ATP6V1H: variants seen among roughly 807,000 people sequenced by gnomAD.
ATP6V1H encodes the protein ATPase H+ transporting V1 subunit H.
A neutral mutation model predicts 71.7 loss-of-function variants in ATP6V1H; 39 were observed. That is an observed-to-expected ratio of 0.54 (90% confidence interval 0.42 to 0.71). The LOEUF (loss-of-function observed/expected upper bound fraction) is 0.71, where lower values mean the gene tolerates loss of function less well. ATP6V1H is among the 30% of genes least tolerant of loss of function. ATP6V1H has a pLI of 0.00. For synonymous variants in ATP6V1H, 192 were observed against 199.3 expected (o/e 0.96, Z 0.31); for missense variants, 509 against 594.9 (o/e 0.86, Z 1.50).
intron 13 of ATP6V1H, among the ~76,000 whole-genome samples, chr8:53,738,165 C>T (rs1226247885): frequency 2.0e-5 from 3 of 151,920 alleles, no homozygotes; most frequent in East Asian, 1.9e-4. Context: ...GGTGTGGTGG[C>T]GGGCACTTGT....
At chr8:53,771,086 G>A (rs1829816087) in intron 10 of ATP6V1H, among the ~76,000 whole-genome samples, 1 of 152,178 alleles carries the variant, frequency 6.6e-6, no homozygotes, top group South Asian at 2.1e-4. Context: ...TATGCTGAAG[G>A]CATTTGCAGG....
At chr8:53,805,542 C>A (rs912185614) in intron 7 of ATP6V1H, among the ~76,000 whole-genome samples, 4 of 152,004 alleles carry the variant, frequency 2.6e-5, no homozygotes, top group African/African-American at 9.7e-5. Context: ...AGAACTGAAA[C>A]AAATGGAATT....
Position 53,805,081 on chromosome 8 carries a change from T to A in ATP6V1H, c.580-3185A>T, listed in dbSNP as rs139076426. Among the ~76,000 whole-genome samples the A allele has an allele frequency of 2.2e-3, 338 of 152,362 alleles. 2 individuals are homozygous for A. Among genetic ancestry groups the A allele is most frequent in the African/African-American group, 7.9e-3 (327 of 41,588 alleles). Reference sequence around the variant, plus strand: ...ACATAAAAACATCAATGATACTGTATGTACAAAGTAAAACTAATGTTATAA... The same window carrying A: ...ACATAAAAACATCAATGATACTGTAAGTACAAAGTAAAACTAATGTTATAA... On this transcript the variant is annotated intron_variant, in intron 7 of 13. Transcript: ENST00000359530.
chr8:53,731,151 G>C (rs1357809330), intron 13 of ATP6V1H, among the ~76,000 whole-genome samples: 2 of 152,044 alleles, frequency 1.3e-5, no homozygotes, highest in African/African-American at 4.8e-5. Context: ...GCCTTTGCCT[G>C]AAGTCCTCCT....
intron 11 of ATP6V1H, among the ~76,000 whole-genome samples, chr8:53,760,583 T>C (rs1808236720): frequency 6.6e-6 from 1 of 152,332 alleles, no homozygotes; most frequent in Non-Finnish European, 1.5e-5. Flanking sequence ...AAATTTGCCC[T>C]GGTCTCTTAC....
At chr8:53,753,246 A>G (rs1304013244) in intron 12 of ATP6V1H, among the ~76,000 whole-genome samples, 1 of 152,256 alleles carries the variant, frequency 6.6e-6, no homozygotes, top group African/African-American at 2.4e-5. Context: ...CATGATGTAA[A>G]TATAAGCCAC....
intron 1 of ATP6V1H, among the ~76,000 whole-genome samples, chr8:53,842,136 T>C (rs1235102885): frequency 6.6e-6 from 1 of 152,262 alleles, no homozygotes; most frequent in Non-Finnish European, 1.5e-5. Context: ...TATAAACATT[T>C]ACTAAGCATC....
In ATP6V1H at chr8:53,799,303, CAAAGACT is replaced by C. The variant is rs1180450554; in HGVS notation, c.677+2489_677+2495del. On this transcript the variant is annotated intron_variant, in intron 8 of 13. Transcript: ENST00000359530. ...ATTATAACCAATTATACTAAGAAAT[CAAAGACT>C]AAAATAATAAGAAAGTTAGAGATTG... 2.6e-5 allele frequency among the ~76,000 whole-genome samples: 4 copies of C among 152,080 alleles called. No individual in the cohort carries two copies. In the East Asian group the frequency reaches 7.7e-4, roughly 29 times the overall value.
rs192130425 is a variant in ATP6V1H at position 53,816,564 on chromosome 8, G to A, written c.420+853C>T. Among the ~76,000 whole-genome samples, 348 of 152,230 alleles carry A rather than the reference G, an allele frequency of 2.3e-3. 2 individuals carry two copies. Among genetic ancestry groups the A allele is most frequent in the African/African-American group, 7.9e-3 (329 of 41,548 alleles). ...TGTAATCCCAGCACTCTGGGAGGCCGAGGCAGGCAGATCACAAGGTCAGGA... is the reference window on the plus strand; with the variant it reads ...TGTAATCCCAGCACTCTGGGAGGCCAAGGCAGGCAGATCACAAGGTCAGGA... On this transcript the variant is annotated intron_variant, in intron 5 of 13. Coordinates refer to ENST00000359530, the MANE Select transcript of ATP6V1H (RefSeq NM_015941.4).
intron 13 of ATP6V1H, among the ~76,000 whole-genome samples, chr8:53,731,466 T>C (rs1264432116): frequency 6.6e-6 from 1 of 152,134 alleles, no homozygotes; most frequent in Non-Finnish European, 1.5e-5. Context: ...ATTCCAGGCA[T>C]TGTATAAGGA....
intron 6 of ATP6V1H, among the ~76,000 whole-genome samples, chr8:53,813,995 C>T (rs980086646): frequency 3.9e-5 from 6 of 152,018 alleles, no homozygotes; most frequent in African/African-American, 9.7e-5. Flanking sequence ...GCTGGAAGCA[C>T]GGGAGGGACT....
chr8:53,723,343 A>C (rs1259911647), intron 13 of ATP6V1H, among the ~76,000 whole-genome samples: 1 of 151,570 alleles, frequency 6.6e-6, no homozygotes, highest in East Asian at 1.9e-4. Flanking sequence ...CACCCTCCTC[A>C]CCCCTGATCC....
At chr8:53,752,371 G>A (rs1807826603) in intron 12 of ATP6V1H, among the ~76,000 whole-genome samples, 2 of 152,138 alleles carry the variant, frequency 1.3e-5, no homozygotes, top group South Asian at 2.1e-4. Context: ...GGTCAACTGA[G>A]TGTCTGATGA....
At chr8:53,774,356 T>C (rs944829032) in intron 9 of ATP6V1H, among the ~76,000 whole-genome samples, 1 of 152,228 alleles carries the variant, frequency 6.6e-6, no homozygotes, top group African/African-American at 2.4e-5. Context: ...AAAGCTTCCA[T>C]CTACTTAAAG....
chr8:53,756,712 A>G (rs1808081293), intron 11 of ATP6V1H, 56 bp from the exon 12 acceptor site: 1 of 1,097,182 alleles, frequency 9.1e-7, no homozygotes, highest in African/African-American at 1.6e-5. Flanking sequence ...ATAGACTACA[A>G]CAGAGCACAG....
chr8:53,768,612 A>G (rs1808546788), intron 11 of ATP6V1H, among the ~76,000 whole-genome samples: 1 of 152,218 alleles, frequency 6.6e-6, no homozygotes, highest in African/African-American at 2.4e-5. Context: ...ATAAAAAGGA[A>G]TGAAGTAGTG....
At chr8:53,748,580 C>A (rs1807687122) in intron 12 of ATP6V1H, among the ~76,000 whole-genome samples, 1 of 152,048 alleles carries the variant, frequency 6.6e-6, no homozygotes, top group East Asian at 1.9e-4. Context: ...TAGCATTAAA[C>A]CATATTTTTA....
intron 4 of ATP6V1H, among the ~76,000 whole-genome samples, chr8:53,819,564 ATATATATATATATATATATAT>A (rs1810567810): frequency 7.9e-6 from 1 of 126,686 alleles, no homozygotes; most frequent in Admixed American, 7.8e-5. Context: ...ATATATATAT[ATATATATATATATATATATAT>A]AAAATACACA....
At chr8:53,737,005 A>G (rs1228337351) in intron 13 of ATP6V1H, among the ~76,000 whole-genome samples, 2 of 152,226 alleles carry the variant, frequency 1.3e-5, no homozygotes, top group Non-Finnish European at 2.9e-5. Context: ...TGTCTTGATT[A>G]CTGATGCATG....
Sources: allele counts gnomAD v4.1 joint callset (sites outside exome capture counted in the v4.1 genomes callset), GRCh38; gene constraint gnomAD v4.1.1; transcripts MANE v1.5; gene names NCBI Gene and HGNC (gene_info 2026-07-23, HGNC 2026-07-21).